Variants in PLSCR4 observed in about 807,000 individuals in gnomAD.
PLSCR4 encodes Ca(2+)-dependent phospholipid scramblase 4.
PLSCR4 carries 25 observed loss-of-function variants against 36.3 expected under a neutral mutation model. The ratio of observed to expected loss-of-function variants is 0.69; its 90% confidence interval spans 0.50 to 0.96. The LOEUF (loss-of-function observed/expected upper bound fraction) is 0.96. PLSCR4 is among the 40% of genes least tolerant of loss of function. PLSCR4 has a pLI of 0.00. For synonymous variants in PLSCR4, 122 were observed against 132.9 expected, an observed-to-expected ratio of 0.92 and a Z score of 0.56; for missense variants, 408 against 414.7, an observed-to-expected ratio of 0.98 and a Z score of 0.14.
At chr3:146,208,709 T>C (rs2034468460) in intron 3 of PLSCR4, among the ~76,000 whole-genome samples, 1 of 152,064 alleles carries the variant, frequency 6.6e-6, no homozygotes, top group Non-Finnish European at 1.5e-5. Flanking sequence ...AAAACCACAA[T>C]GTAATAACCC....
chr3:146,230,268 G>C (rs1464525047), intron 1 of PLSCR4, among the ~76,000 whole-genome samples: 1 of 152,062 alleles, frequency 6.6e-6, no homozygotes, highest in Non-Finnish European at 1.5e-5. Flanking sequence ...GATTACAAAA[G>C]TAGTATGTTT....
chr3:146,219,537 A>G (rs2108285942), intron 3 of PLSCR4, among the ~76,000 whole-genome samples: 1 of 152,326 alleles, frequency 6.6e-6, no homozygotes, highest in East Asian at 1.9e-4. Context: ...CACATTAGGA[A>G]GAGAAAAAAG....
intron 1 of PLSCR4, among the ~76,000 whole-genome samples, chr3:146,232,311 T>A (rs1373742812): frequency 6.6e-6 from 1 of 152,156 alleles, no homozygotes; most frequent in Non-Finnish European, 1.5e-5. Context: ...TTAGGATCGC[T>A]TTGGCTATTT....
chr3:146,197,881 C>A (rs1357528801), intron 6 of PLSCR4, among the ~76,000 whole-genome samples: 1 of 151,956 alleles, frequency 6.6e-6, no homozygotes, highest in Admixed American at 6.6e-5. Context: ...CACCTATATA[C>A]AAATATATAA....
chr3:146,233,548 TATGACTCCAA>T (rs1484199587), intron 1 of PLSCR4, among the ~76,000 whole-genome samples: 2 of 152,168 alleles, frequency 1.3e-5, no homozygotes, highest in African/African-American at 4.8e-5. Context: ...ACCTACTGAT[TATGACTCCAA>T]ATGACCTGCT....
At chr3:146,243,469 T>C (rs1449015284) in intron 1 of PLSCR4, among the ~76,000 whole-genome samples, 2 of 152,184 alleles carry the variant, frequency 1.3e-5, no homozygotes, top group African/African-American at 2.4e-5. Flanking sequence ...ATAATATTCA[T>C]GCAGAGTTCG....
chr3:146,198,221 GTGA>G (rs2033854066), intron 6 of PLSCR4, among the ~76,000 whole-genome samples: 1 of 152,116 alleles, frequency 6.6e-6, no homozygotes, highest in African/African-American at 2.4e-5. Context: ...GAGGACTTTG[GTGA>G]TGATGGAACT....
chr3:146,242,984 GC>G, intron 1 of PLSCR4, among the ~76,000 whole-genome samples: 1 of 152,222 alleles, frequency 6.6e-6, no homozygotes, highest in East Asian at 1.9e-4. Flanking sequence ...ACCAGAGAAA[GC>G]CCCCAAAGGC....
chr3:146,250,279 G>A lies in PLSCR4; in HGVS notation c.-22+681C>T, dbSNP rs139816476. ...TAGGCAATCTATTCCCCTTTAAGCA[G>A]TATCAAGTTTGGTGCATTATATCTT... On this transcript the variant is annotated intron_variant, in intron 1 of 8. Coordinates refer to ENST00000354952, the MANE Select transcript of PLSCR4 (RefSeq NM_020353.3). Among the ~76,000 whole-genome samples the A allele has an allele frequency of 3.3e-5, 5 of 152,288 alleles. No individual in the cohort carries two copies. In the East Asian group the frequency reaches 7.7e-4, roughly 23 times the overall value.
chr3:146,222,788 A>G (rs1262610226), intron 1 of PLSCR4, among the ~76,000 whole-genome samples: 1 of 152,176 alleles, frequency 6.6e-6, no homozygotes, highest in African/African-American at 2.4e-5. Context: ...GACCGACATC[A>G]TACAATGAGA....
intron 4 of PLSCR4, among the ~76,000 whole-genome samples, chr3:146,203,166 AATGACACC>A (rs1169758007): frequency 6.6e-6 from 1 of 152,058 alleles, no homozygotes; most frequent in Admixed American, 6.6e-5. Flanking sequence ...CTGTCTGAGA[AATGACACC>A]ATCTATGGCA....
intron 3 of PLSCR4, among the ~76,000 whole-genome samples, chr3:146,211,555 T>G (rs549908561): frequency 6.7e-4 from 102 of 152,252 alleles, no homozygotes; most frequent in South Asian, 1.4e-3. Context: ...TGTTATGAAG[T>G]CCAATTTATT....
chr3:146,202,643 C>A (rs1337071577), intron 4 of PLSCR4, among the ~76,000 whole-genome samples: 1 of 152,032 alleles, frequency 6.6e-6, no homozygotes, highest in African/African-American at 2.4e-5. Context: ...TTGACTGACT[C>A]TTCTCTGCAT....
intron 1 of PLSCR4, among the ~76,000 whole-genome samples, chr3:146,224,652 A>G (rs1394557418): frequency 6.6e-6 from 1 of 151,958 alleles, no homozygotes; most frequent in Non-Finnish European, 1.5e-5. Context: ...CAGCAAAAGA[A>G]AAAAAGCTTC....
At position 146,193,391 on chromosome 3, in the gene PLSCR4, A is replaced by G. The variant is rs1418532848; in HGVS notation, c.*1020T>C. On this transcript the variant is annotated 3_prime_UTR_variant, in exon 9 of 9. Transcript: ENST00000354952. Reference sequence around the variant, plus strand: ...ATGTCATATTTCCAAATTTAAAAACATAACTCCAGTTCTTACCATGAGAAC... The same window carrying G: ...ATGTCATATTTCCAAATTTAAAAACGTAACTCCAGTTCTTACCATGAGAAC... The G allele has an allele frequency of 1.3e-5, 2 of 152,200 alleles. No individual in the cohort carries two copies. Among genetic ancestry groups the G allele is most frequent in the South Asian group, 2.1e-4 (1 of 4,838 alleles). 9.4% of individuals were successfully genotyped at this position (152,200 alleles called of 1,614,324 possible).
At chr3:146,223,073 G>A (rs1018095008) in intron 1 of PLSCR4, among the ~76,000 whole-genome samples, 2 of 143,550 alleles carry the variant, frequency 1.4e-5, no homozygotes, top group African/African-American at 5.2e-5. Flanking sequence ...ATGGAGGAGG[G>A]TAAGAATTGA....
chr3:146,222,016 A>G (rs2035173756), intron 2 of PLSCR4, 49 bp downstream of exon 2: 2 of 1,125,038 alleles, frequency 1.8e-6, no homozygotes, highest in East Asian at 2.7e-5. Flanking sequence ...TAATCACAAA[A>G]TTCACATTTG....
At chr3:146,237,314 C>A (rs2035959189) in intron 1 of PLSCR4, among the ~76,000 whole-genome samples, 1 of 151,984 alleles carries the variant, frequency 6.6e-6, no homozygotes, top group South Asian at 2.1e-4. Flanking sequence ...CACAATACAG[C>A]CTGAAAATAC....
chr3:146,208,452 C>T (rs1424058261), intron 3 of PLSCR4, among the ~76,000 whole-genome samples: 2 of 152,112 alleles, frequency 1.3e-5, no homozygotes, highest in African/African-American at 4.8e-5. Flanking sequence ...AACTAAAGAG[C>T]TTTTGCACAG....
Sources: gnomAD v4.1 joint callset for allele counts (sites outside exome capture counted in the v4.1 genomes callset) on GRCh38, gnomAD v4.1.1 for gene constraint, MANE v1.5 for transcripts, NCBI Gene and HGNC (gene_info 2026-07-23, HGNC 2026-07-21) for gene names.